HIPK3: variants seen among roughly 807,000 people sequenced by gnomAD.
HIPK3 encodes homeodomain interacting protein kinase 3, also known as homeodomain-interacting protein kinase 3.
In HIPK3, 47 loss-of-function variants were observed where a neutral mutation model predicts 124.2. That is an observed-to-expected ratio of 0.38 (90% CI 0.30 to 0.48). HIPK3 has a LOEUF of 0.48. HIPK3 is among the 20% of genes least tolerant of loss of function. The pLI is 0.98. For missense variants in HIPK3, 1,286 were observed against 1,454.3 expected (o/e 0.88, Z 1.88); for synonymous variants, 482 against 515.2 (o/e 0.94, Z 0.87).
At chr11:33,335,255 G>T (rs1307365453) in intron 3 of HIPK3, among the ~76,000 whole-genome samples, 1 of 152,118 alleles carries the variant, frequency 6.6e-6, no homozygotes, top group African/African-American at 2.4e-5. Flanking sequence ...CGCAGATTTA[G>T]AGATAAAATT....
rs1159889717 is a variant in HIPK3, at chr11:33,353,132, A to G, written c.3212A>G (p.Asn1071Ser). 1 of 1,613,466 alleles carries G rather than the reference A, an allele frequency of 6.2e-7. No homozygotes were observed. The highest frequency in any genetic ancestry group is 1.3e-5 in the African/African-American group (1 of 74,816). ...FGSGHQEWNG[N>S]FGHRRQQAYI... Reference sequence around the variant, plus strand: ...TCTGGGCATCAAGAGTGGAATGGAAACTTTGGGCACAGAAGACAGCAAGCT... The same window carrying G: ...TCTGGGCATCAAGAGTGGAATGGAAGCTTTGGGCACAGAAGACAGCAAGCT... The change falls in exon 17 of 17, where the codon AAC becomes AGC. Residue 1071 changes from asparagine (N) to serine (S), a missense_variant. Physicochemically the swap from Asn to Ser is conservative, Grantham distance 46. Around this residue, in one of 3 missense-constraint regions of HIPK3, gnomAD observed 810 missense variants for 864.9 expected, o/e 0.94. Coordinates refer to ENST00000303296, the MANE Select transcript of HIPK3 (RefSeq NM_005734.5).
intron 1 of HIPK3, among the ~76,000 whole-genome samples, chr11:33,285,467 A>G (rs964593854): frequency 6.6e-6 from 1 of 151,986 alleles, no homozygotes; most frequent in Non-Finnish European, 1.5e-5. Flanking sequence ...AAAGGATAAT[A>G]TTTTTAGTAA....
rs756461156 is a variant in HIPK3, at chr11:33,348,819, G to A, written c.2666+1G>A. 8.1e-6 allele frequency: 13 copies of A among 1,611,480 alleles called. No homozygotes were observed. The highest frequency in any genetic ancestry group is 1.7e-6 in the Non-Finnish European group (2 of 1,177,956). ...CTTCCCAGAGACATTCACTCAGAGA[G>A]TAAGTGCCAAACGCTGCATCCTCAA... On this transcript the variant is annotated splice_donor_variant, in intron 13 of 16. Coordinates refer to ENST00000303296, the MANE Select transcript of HIPK3 (RefSeq NM_005734.5). LOFTEE classifies it high-confidence loss of function.
chr11:33,276,677 A>T (rs1328446355), intron 1 of HIPK3, among the ~76,000 whole-genome samples: 1 of 152,010 alleles, frequency 6.6e-6, no homozygotes, highest in Non-Finnish European at 1.5e-5. Flanking sequence ...ATCTAAAATG[A>T]TCGTATTTTT....
At chr11:33,348,103 C>T in intron 11 of HIPK3, 63 bp from the exon 12 acceptor site, 1 of 1,604,512 alleles carries the variant, frequency 6.2e-7, no homozygotes. Context: ...CTGTTGTATT[C>T]AAAATGACCT....
chr11:33,354,820 G>C lies in HIPK3; in HGVS notation c.*1252G>C, dbSNP rs1466954084. ...ACATGCTTTTTTTTCTTTCTAGGAAGTGTGTTGAGTTCCCCCCTTCCCCGA... is the reference window on the plus strand; with the variant it reads ...ACATGCTTTTTTTTCTTTCTAGGAACTGTGTTGAGTTCCCCCCTTCCCCGA... On this transcript the variant is annotated 3_prime_UTR_variant, in exon 17 of 17. Coordinates refer to ENST00000303296, the MANE Select transcript of HIPK3 (RefSeq NM_005734.5). 3.3e-5 allele frequency: 5 copies of C among 151,582 alleles called. No individual in the cohort carries two copies. Among genetic ancestry groups the C allele is most frequent in the Non-Finnish European group, 7.4e-5 (5 of 67,870 alleles). 9.4% of individuals were successfully genotyped at this position (151,582 alleles called of 1,614,324 possible).
chr11:33,310,759 C>T (rs945004424), intron 2 of HIPK3, among the ~76,000 whole-genome samples: 10 of 152,276 alleles, frequency 6.6e-5, no homozygotes, highest in East Asian at 1.9e-4. Flanking sequence ...TGCGAAAATA[C>T]GGTAGGACAG....
chr11:33,347,402 A>T lies in HIPK3; in HGVS notation c.2007A>T (p.Gly669=). The T allele has an allele frequency of 2.5e-6, 4 of 1,613,842 alleles. No homozygotes were observed. In the Middle Eastern group the frequency reaches 6.6e-4, roughly 266 times the overall value. The change falls in exon 9 of 17, where the codon GGA becomes GGT. Residue 669 remains glycine (G), a synonymous_variant. Transcript: ENST00000303296. The part of the protein sequence containing the change: ...PAVQPLQIRP[G]VLSQTWSGRT... Reference sequence around the variant, plus strand: ...TGCAGCCACTACAGATCCGACCAGGAGTTCTTTCTCAGGTTGGTAATAATT... The same window carrying T: ...TGCAGCCACTACAGATCCGACCAGGTGTTCTTTCTCAGGTTGGTAATAATT...
At position 33,354,800 on chromosome 11, in the gene HIPK3, C is replaced by T. The variant is rs1270305895; in HGVS notation, c.*1232C>T. On this transcript the variant is annotated 3_prime_UTR_variant, in exon 17 of 17. Coordinates refer to ENST00000303296, the MANE Select transcript of HIPK3 (RefSeq NM_005734.5). ...TTCCGTCAGGGACAGAAATTACATG[C>T]TTTTTTTTCTTTCTAGGAAGTGTGT... The T allele has an allele frequency of 6.6e-6, 1 of 150,706 alleles. No homozygotes were observed. The highest frequency in any genetic ancestry group is 2.4e-5 in the African/African-American group (1 of 40,966). The allele number at this position is 150,706 out of a possible 1,614,324, so 9.3% of individuals were successfully genotyped here.
chr11:33,330,028 T>C (rs1852926514), intron 3 of HIPK3, among the ~76,000 whole-genome samples: 1 of 152,226 alleles, frequency 6.6e-6, no homozygotes, highest in Non-Finnish European at 1.5e-5. Context: ...CCCCAGAGAT[T>C]ACCCAGTAAC....
rs930840320 is a variant in HIPK3 at position 33,257,816 on chromosome 11, G to A, written c.-76G>A. 1 of 986,230 alleles carries A rather than the reference G, an allele frequency of 1.0e-6. No homozygotes were observed. The highest frequency in any genetic ancestry group is 1.2e-6 in the Non-Finnish European group (1 of 830,602). The allele number at this position is 986,230 out of a possible 1,614,324, so 61.1% of individuals were successfully genotyped here. On this transcript the variant is annotated 5_prime_UTR_variant, in exon 1 of 17. Transcript: ENST00000303296. ...GCGCCTGGCTCCCGGTCCCCGGCACGGCCCTGCGCCCCACCCCGGACATGC... is the reference window on the plus strand; with the variant it reads ...GCGCCTGGCTCCCGGTCCCCGGCACAGCCCTGCGCCCCACCCCGGACATGC...
rs36033003 is a variant in HIPK3, at chr11:33,266,761, AT to A, written c.-3+8881del. On this transcript the variant is annotated intron_variant, in intron 1 of 16. Transcript: ENST00000303296. ...AAAACCCTAATTTTTAACTTTATTC[AT>A]TTTTTTTTAAACTTTGCCAAGTCCT... 7.1e-4 allele frequency among the ~76,000 whole-genome samples: 107 copies of A among 151,512 alleles called. 1 individual carries two copies. The highest frequency in any genetic ancestry group is 3.0e-3 in the Admixed American group (46 of 15,190).
intron 1 of HIPK3, among the ~76,000 whole-genome samples, chr11:33,273,512 C>CAA (rs398015727): frequency 0.33 from 15,968 of 47,934 alleles, 5,497 homozygotes; most frequent in African/African-American, 0.46. Context: ...TCTGTCTCCA[C>CAA]AAAAAAAAAA....
chr11:33,302,544 C>T (rs1852036120), intron 2 of HIPK3, among the ~76,000 whole-genome samples: 2 of 151,984 alleles, frequency 1.3e-5, no homozygotes. Flanking sequence ...ACCATGTGGC[C>T]AGGGTGGTCT....
intron 2 of HIPK3, among the ~76,000 whole-genome samples, chr11:33,317,928 T>C (rs987565059): frequency 6.6e-6 from 1 of 152,204 alleles, no homozygotes; most frequent in African/African-American, 2.4e-5. Flanking sequence ...CAGTCGTCTT[T>C]AGGAACTCTG....
chr11:33,342,675 G>A (rs986433987), intron 8 of HIPK3, among the ~76,000 whole-genome samples: 1 of 152,004 alleles, frequency 6.6e-6, no homozygotes, highest in Non-Finnish European at 1.5e-5. Flanking sequence ...AGCCTCCCGA[G>A]TAGCTGGGAA....
chr11:33,349,844 G>T (rs1172070906), intron 14 of HIPK3, among the ~76,000 whole-genome samples: 1 of 152,090 alleles, frequency 6.6e-6, no homozygotes, highest in Non-Finnish European at 1.5e-5. Flanking sequence ...TTGGCTCACC[G>T]CAGCCTCCGC....
At position 33,348,233 on chromosome 11, in the gene HIPK3, G is replaced by C. The variant is rs1011759841; in HGVS notation, c.2369+5G>C. The C allele has an allele frequency of 9.9e-6, 16 of 1,612,186 alleles. No individual in the cohort carries two copies. The highest frequency in any genetic ancestry group is 1.3e-5 in the Non-Finnish European group (15 of 1,178,662). ...GGAAATAAATGCTTTCAGTTGGTAA[G>C]ATTGTCTTTATTGCCCTTTTGATTT... On this transcript the variant is annotated splice_donor_5th_base_variant and intron_variant, in intron 12 of 16. Transcript: ENST00000303296.
rs1250941310 is a variant in HIPK3 at position 33,355,304 on chromosome 11, A to C, written c.*1736A>C. The C allele has an allele frequency of 2.0e-5, 3 of 152,008 alleles. No homozygotes were observed. Among genetic ancestry groups the C allele is most frequent in the Non-Finnish European group, 4.4e-5 (3 of 67,888 alleles). 9.4% of individuals were successfully genotyped at this position (152,008 alleles called of 1,614,324 possible). A position where few individuals can be genotyped will look rare whatever the true frequency, so the allele number is the denominator to read the frequency against. ...TGTTACTTTGGGGTGTGTTATTTGC[A>C]TCAGTATTTTATCTCTATTAATGTT... On this transcript the variant is annotated 3_prime_UTR_variant, in exon 17 of 17. Coordinates refer to ENST00000303296, the MANE Select transcript of HIPK3 (RefSeq NM_005734.5).
Sources: allele counts gnomAD v4.1 joint callset (sites outside exome capture counted in the v4.1 genomes callset), GRCh38; gene constraint gnomAD v4.1.1; regional missense constraint gnomAD v4.1.1; transcripts MANE v1.5; gene names NCBI Gene and HGNC (gene_info 2026-07-23, HGNC 2026-07-21).